TBC1D12: variants seen among roughly 807,000 people sequenced by gnomAD.
TBC1D12 encodes TBC1 domain family member 12, also known as TBC1 domain family, member 12.
Under a neutral mutation model 86.7 loss-of-function variants are expected in TBC1D12, and 56 were observed. The observed-to-expected ratio is 0.65, with a 90% confidence interval of 0.52 to 0.81. The LOEUF is 0.81. TBC1D12 is among the 30% of genes least tolerant of loss of function. TBC1D12 has a pLI of 0.00. For missense variants in TBC1D12, 1,023 were observed against 1,038.8 expected, an observed-to-expected ratio of 0.98 and a Z score of 0.21; for synonymous variants, 421 against 411.7, an observed-to-expected ratio of 1.02 and a Z score of -0.27.
At chr10:94,459,547 C>T (rs955879556) in intron 2 of TBC1D12, among the ~76,000 whole-genome samples, 13 of 152,316 alleles carry the variant, frequency 8.5e-5, no homozygotes, top group South Asian at 4.1e-4. Flanking sequence ...GAGCAGGCGG[C>T]GGTGCCCGTC....
At chr10:94,419,062 A>G (rs981069794) in intron 1 of TBC1D12, among the ~76,000 whole-genome samples, 3 of 151,548 alleles carry the variant, frequency 2.0e-5, no homozygotes, top group African/African-American at 7.3e-5. Context: ...TTTAGTAGAG[A>G]TGGGGTTTCA....
At chr10:94,504,557 T>C (rs560554773) in intron 6 of TBC1D12, among the ~76,000 whole-genome samples, 6 of 152,302 alleles carry the variant, frequency 3.9e-5, no homozygotes, top group Non-Finnish European at 7.4e-5. Context: ...ATTTGACTTG[T>C]TTTAGTCATG....
intron 2 of TBC1D12, among the ~76,000 whole-genome samples, chr10:94,450,530 A>G (rs1235061299): frequency 6.6e-6 from 1 of 152,086 alleles, no homozygotes; most frequent in Non-Finnish European, 1.5e-5. Context: ...GAGGCTAGAG[A>G]ATTGGGTTTT....
intron 1 of TBC1D12, among the ~76,000 whole-genome samples, chr10:94,435,850 G>A (rs2055287169): frequency 6.6e-6 from 1 of 152,198 alleles, no homozygotes. Flanking sequence ...GGAACTGACT[G>A]TGGTATGTGG....
chr10:94,452,858 G>C (rs934332955), intron 2 of TBC1D12, among the ~76,000 whole-genome samples: 2 of 152,166 alleles, frequency 1.3e-5, no homozygotes, highest in Admixed American at 1.3e-4. Flanking sequence ...AAGGTAGCAA[G>C]ATATCTTCCA....
At chr10:94,414,457 T>C (rs1366637771) in intron 1 of TBC1D12, among the ~76,000 whole-genome samples, 1 of 152,220 alleles carries the variant, frequency 6.6e-6, no homozygotes, top group Non-Finnish European at 1.5e-5. Context: ...TTCCATATTT[T>C]TCTAATTTTT....
intron 1 of TBC1D12, among the ~76,000 whole-genome samples, chr10:94,428,952 G>T (rs188827783): frequency 6.6e-6 from 1 of 151,932 alleles, no homozygotes; most frequent in Non-Finnish European, 1.5e-5. Context: ...TGATCCTCCC[G>T]CCTTGGACTC....
At chr10:94,437,450 C>T (rs1438422794) in intron 1 of TBC1D12, among the ~76,000 whole-genome samples, 8 of 152,028 alleles carry the variant, frequency 5.3e-5, no homozygotes, top group Admixed American at 3.3e-4. Flanking sequence ...CTCAGCCCTC[C>T]GGAGTAGCTG....
rs1331449844 is a variant in TBC1D12 at position 94,512,859 on chromosome 10, A to G, written c.1761+1205A>G. On this transcript the variant is annotated intron_variant, in intron 9 of 12. Coordinates refer to ENST00000225235, the MANE Select transcript of TBC1D12 (RefSeq NM_015188.2). ...CACCTTGTATCCCCTTCACATGTTA[A>G]AGTTGAAGTTTAAAGTTTTTCATCG... is the stretch of plus-strand genomic sequence containing the variant. Among the ~76,000 whole-genome samples, 8 of 152,292 alleles carry G rather than the reference A, an allele frequency of 5.3e-5. No individual in the cohort carries two copies. In the East Asian group the frequency reaches 5.8e-4, roughly 11 times the overall value.
intron 1 of TBC1D12, among the ~76,000 whole-genome samples, chr10:94,429,130 C>T (rs1394816813): frequency 6.6e-6 from 1 of 151,678 alleles, no homozygotes; most frequent in Admixed American, 6.6e-5. Context: ...TCCCTAGAAG[C>T]TCTAAAATAT....
intron 5 of TBC1D12, among the ~76,000 whole-genome samples, chr10:94,499,010 A>G (rs960938738): frequency 2.1e-4 from 32 of 152,102 alleles, no homozygotes; most frequent in African/African-American, 7.0e-4. Flanking sequence ...GGTTCAAGCA[A>G]TCTGCCTGCC....
At chr10:94,516,445 T>G (rs1415918038) in intron 9 of TBC1D12, among the ~76,000 whole-genome samples, 1 of 152,124 alleles carries the variant, frequency 6.6e-6, no homozygotes, top group Non-Finnish European at 1.5e-5. Context: ...TATACTAAGT[T>G]CTAGGGTACA....
intron 2 of TBC1D12, among the ~76,000 whole-genome samples, chr10:94,448,835 C>T (rs1035570437): frequency 3.3e-5 from 5 of 152,154 alleles, no homozygotes; most frequent in Non-Finnish European, 7.3e-5. Flanking sequence ...CTTTATTTAC[C>T]TCATCTGTTA....
intron 4 of TBC1D12, among the ~76,000 whole-genome samples, chr10:94,494,519 C>T (rs886398117): frequency 6.6e-6 from 1 of 152,062 alleles, no homozygotes; most frequent in Non-Finnish European, 1.5e-5. Flanking sequence ...TCTGACATAT[C>T]CAATTAAGTA....
intron 3 of TBC1D12, among the ~76,000 whole-genome samples, chr10:94,480,044 C>T (rs1032867627): frequency 2.6e-5 from 4 of 152,168 alleles, no homozygotes; most frequent in African/African-American, 7.2e-5. Flanking sequence ...CTCCACTAAT[C>T]GCCTGACCTC....
chr10:94,414,755 C>T (rs906867041), intron 1 of TBC1D12, among the ~76,000 whole-genome samples: 3 of 152,024 alleles, frequency 2.0e-5, no homozygotes, highest in African/African-American at 7.2e-5. Context: ...GTGCACCTCA[C>T]GCCCAGCTAA....
At chr10:94,445,646 C>G (rs528041653) in intron 2 of TBC1D12, among the ~76,000 whole-genome samples, 2 of 152,064 alleles carry the variant, frequency 1.3e-5, no homozygotes, top group East Asian at 3.9e-4. Flanking sequence ...TGACCTTTTT[C>G]CATCTTCAAA....
At chr10:94,482,488 T>C (rs1259154721) in intron 3 of TBC1D12, among the ~76,000 whole-genome samples, 1 of 152,050 alleles carries the variant, frequency 6.6e-6, no homozygotes, top group Admixed American at 6.6e-5. Flanking sequence ...TTTGCTCTTA[T>C]TGCCCAGGCT....
intron 2 of TBC1D12, among the ~76,000 whole-genome samples, chr10:94,456,527 G>C (rs1057030388): frequency 6.6e-6 from 1 of 152,170 alleles, no homozygotes. Flanking sequence ...TGAGATCTGA[G>C]AGCAGACATT....
Sources: gnomAD v4.1 joint callset for allele counts (sites outside exome capture counted in the v4.1 genomes callset) on GRCh38, gnomAD v4.1.1 for gene constraint, MANE v1.5 for transcripts, NCBI Gene and HGNC (gene_info 2026-07-23, HGNC 2026-07-21) for gene names.